The following ANKRD30B variants were observed in gnomAD, a reference collection of about 807,000 sequenced individuals.
ANKRD30B encodes ankyrin repeat domain 30B, also known as ankyrin repeat domain-containing protein 30B.
A neutral mutation model predicts 202.2 loss-of-function variants in ANKRD30B; 144 were observed. The ratio of observed to expected loss-of-function variants is 0.71; its 90% CI spans 0.62 to 0.82. ANKRD30B has a LOEUF of 0.82. ANKRD30B is among the 40% of genes least tolerant of loss of function. The probability of loss-of-function intolerance (pLI) is 0.00; values close to 1 mark genes in which losing one functional copy is unlikely to be tolerated. For missense variants in ANKRD30B, 1,487 were observed against 1,669.1 expected (o/e 0.89, Z 1.90); for synonymous variants, 508 against 561.3 (o/e 0.91, Z 1.34).
At chr18:14,861,942 G>C in the ANKRD30B span, among the ~76,000 whole-genome samples, 2 of 151,934 alleles carry the variant, frequency 1.3e-5, no homozygotes, top group Non-Finnish European at 2.9e-5. Flanking sequence ...GTGTCTTCTC[G>C]GACCACTGTG....
chr18:14,784,873 T>G (rs961775839), intron 14 of ANKRD30B, among the ~76,000 whole-genome samples: 2 of 152,216 alleles, frequency 1.3e-5, no homozygotes, highest in African/African-American at 4.8e-5. Context: ...TGATTCAGAT[T>G]CCACGGTTTA....
the ANKRD30B span, chr18:14,877,916 G>A: frequency 6.6e-6 from 1 of 152,212 alleles, no homozygotes; most frequent in African/African-American, 2.4e-5. Context: ...TAGCCCAAAA[G>A]CTGGCAGAGC....
At chr18:14,808,866 A>T (rs1222185203) in intron 26 of ANKRD30B, 122 bp downstream of exon 26, 3 of 891,192 alleles carry the variant, frequency 3.4e-6, no homozygotes, top group Non-Finnish European at 5.0e-6. Flanking sequence ...TTTGATACAA[A>T]TAATGCAAAT....
At chr18:14,897,193 A>G in the ANKRD30B span, among the ~76,000 whole-genome samples, 5 of 152,308 alleles carry the variant, frequency 3.3e-5, no homozygotes, top group South Asian at 6.2e-4. Flanking sequence ...AGAGCTGTAT[A>G]TCTGGAATAG....
the ANKRD30B span, among the ~76,000 whole-genome samples, chr18:14,870,381 C>T: frequency 6.6e-6 from 1 of 152,248 alleles, no homozygotes; most frequent in Non-Finnish European, 1.5e-5. Context: ...GCTGTGCCCT[C>T]CACCAGCACT....
chr18:14,894,281 A>G, the ANKRD30B span, among the ~76,000 whole-genome samples: 1 of 152,220 alleles, frequency 6.6e-6, no homozygotes, highest in East Asian at 1.9e-4. Flanking sequence ...GAAATCTTTC[A>G]GAATTTTAGG....
the ANKRD30B span, among the ~76,000 whole-genome samples, chr18:14,888,273 C>T: frequency 1.3e-5 from 2 of 151,938 alleles, no homozygotes; most frequent in Non-Finnish European, 2.9e-5. Context: ...TCTGACAAAT[C>T]CTGCCAGCAG....
the ANKRD30B span, among the ~76,000 whole-genome samples, chr18:14,907,680 G>C: frequency 6.6e-6 from 1 of 152,190 alleles, no homozygotes; most frequent in African/African-American, 2.4e-5. Context: ...GCATGTCCCG[G>C]ATGTAGCTGT....
chr18:14,783,570 A>C (rs2143869144), intron 12 of ANKRD30B, among the ~76,000 whole-genome samples: 1 of 152,274 alleles, frequency 6.6e-6, no homozygotes, highest in East Asian at 1.9e-4. Context: ...GTAGGAACTA[A>C]AAAAATACTG....
At position 14,778,032 on chromosome 18, in the gene ANKRD30B, T is replaced by C. The variant is rs754059317; in HGVS notation, c.1377T>C (p.Ala459=). 1 of 1,549,440 alleles carries C rather than the reference T, an allele frequency of 6.5e-7. No individual in the cohort carries two copies. Among genetic ancestry groups the C allele is most frequent in the South Asian group, 1.2e-5 (1 of 83,980 alleles). ...AAQNYTCLPD[A]TYQKDIKTIN... ...AGAATTATACGTGTTTACCTGATGC[T>C]ACATATCAAAAAGATATCAAAACAA... Residue 459 remains alanine, a synonymous_variant, in exon 10 of 44, where the codon GCT becomes GCC. Transcript: ENST00000690538.
At chr18:14,794,213 A>G (rs1968722554) in intron 16 of ANKRD30B, among the ~76,000 whole-genome samples, 1 of 151,948 alleles carries the variant, frequency 6.6e-6, no homozygotes, top group Admixed American at 6.6e-5. Context: ...CGAAGGTAGT[A>G]TTTCCCTGCT....
chr18:14,816,596 G>C, intron 30 of ANKRD30B: 1 of 142,886 alleles, frequency 7.0e-6, no homozygotes, highest in Admixed American at 7.4e-5. Flanking sequence ...AGTGAGCCAA[G>C]ATCATGCACC....
chr18:14,821,607 G>A (rs1970425735), intron 30 of ANKRD30B, among the ~76,000 whole-genome samples: 1 of 152,136 alleles, frequency 6.6e-6, no homozygotes. Context: ...ACAGGCATGT[G>A]CCACCATACC....
chr18:14,804,718 G>T (rs567642839), intron 24 of ANKRD30B, among the ~76,000 whole-genome samples: 1 of 150,576 alleles, frequency 6.6e-6, no homozygotes. Context: ...AAGAAGAAAG[G>T]GGCAATGGAA....
downstream of ANKRD30B, among the ~76,000 whole-genome samples, chr18:14,856,414 C>T (rs555695951): frequency 5.6e-5 from 8 of 141,604 alleles, no homozygotes; most frequent in Admixed American, 4.2e-4. Flanking sequence ...CTTCACTTCC[C>T]AGAGGGGGTG....
chr18:14,926,656 A>G, the ANKRD30B span, among the ~76,000 whole-genome samples: 2 of 152,192 alleles, frequency 1.3e-5, no homozygotes, highest in Non-Finnish European at 2.9e-5. Context: ...ATGAGACATA[A>G]AAATTAGAAG....
At chr18:14,927,936 T>G in the ANKRD30B span, among the ~76,000 whole-genome samples, 2 of 152,060 alleles carry the variant, frequency 1.3e-5, no homozygotes, top group African/African-American at 4.8e-5. Flanking sequence ...GACTTAGGAA[T>G]GAACAACTGG....
the ANKRD30B span, among the ~76,000 whole-genome samples, chr18:14,892,742 C>CAAAAAAAAA: frequency 1.9e-4 from 14 of 72,888 alleles, no homozygotes; most frequent in East Asian, 4.7e-4. Context: ...TCTGTTTCAC[C>CAAAAAAAAA]AAAAAAAAAA....
the ANKRD30B span, among the ~76,000 whole-genome samples, chr18:14,913,988 T>C: frequency 6.6e-6 from 1 of 152,186 alleles, no homozygotes; most frequent in African/African-American, 2.4e-5. Context: ...AAAATTGAGG[T>C]ATAAACGGGG....
Sources: gnomAD v4.1 joint callset for allele counts (sites outside exome capture counted in the v4.1 genomes callset) on GRCh38, gnomAD v4.1.1 for gene constraint, MANE v1.5 for transcripts, NCBI Gene and HGNC (gene_info 2026-07-23, HGNC 2026-07-21) for gene names.